SLC24A2: variants seen among roughly 807,000 people sequenced by gnomAD.
SLC24A2 encodes the protein solute carrier family 24 member 2.
SLC24A2 carries 36 observed loss-of-function variants against 62.0 expected under a neutral mutation model. That is an observed-to-expected ratio of 0.58 (90% CI 0.44 to 0.77). The LOEUF (loss-of-function observed/expected upper bound fraction) is 0.77, where lower values mean the gene tolerates loss of function less well. SLC24A2 is among the 30% of genes least tolerant of loss of function. The probability of loss-of-function intolerance (pLI) is 0.00; values close to 1 mark genes in which losing one functional copy is unlikely to be tolerated. For missense variants in SLC24A2, 846 were observed against 817.9 expected (o/e 1.03, Z -0.42); for synonymous variants, 358 against 294.0 (o/e 1.22, Z -2.23).
chr9:20,052,951 G>A, the SLC24A2 span, among the ~76,000 whole-genome samples: 6 of 152,124 alleles, frequency 3.9e-5, no homozygotes, highest in Non-Finnish European at 8.8e-5. Flanking sequence ...TGAGTTTTCT[G>A]TAAATGAATC....
the SLC24A2 span, among the ~76,000 whole-genome samples, chr9:20,059,349 A>G: frequency 6.6e-6 from 1 of 152,208 alleles, no homozygotes; most frequent in Non-Finnish European, 1.5e-5. Flanking sequence ...CAGAATGTAC[A>G]TTCTTCTCAT....
chr9:20,100,091 C>A, the SLC24A2 span, among the ~76,000 whole-genome samples: 4 of 152,028 alleles, frequency 2.6e-5, no homozygotes, highest in Non-Finnish European at 5.9e-5. Flanking sequence ...CAATTGACAG[C>A]CTCGTCCTCC....
the SLC24A2 span, among the ~76,000 whole-genome samples, chr9:20,283,342 A>G: frequency 1.1e-4 from 16 of 152,168 alleles, no homozygotes; most frequent in Non-Finnish European, 1.3e-4. Flanking sequence ...CAGACTACCT[A>G]AAGTGATCCC....
intron 2 of SLC24A2, among the ~76,000 whole-genome samples, chr9:19,722,355 T>C (rs889732365): frequency 1.3e-5 from 2 of 152,122 alleles, no homozygotes; most frequent in Admixed American, 6.6e-5. Flanking sequence ...CTGAGAATGC[T>C]AGGTTCAACA....
the SLC24A2 span, among the ~76,000 whole-genome samples, chr9:20,297,003 G>T: frequency 6.6e-6 from 1 of 152,064 alleles, no homozygotes; most frequent in Non-Finnish European, 1.5e-5. Flanking sequence ...TTATTTTAAA[G>T]AATTTTTATT....
intron 2 of SLC24A2, among the ~76,000 whole-genome samples, chr9:19,783,630 C>T (rs868458002): frequency 1.1e-4 from 16 of 152,070 alleles, no homozygotes; most frequent in Non-Finnish European, 1.3e-4. Context: ...GAAAACCTCC[C>T]TAAGTTTCTG....
chr9:19,543,295 T>C (rs562975856), intron 8 of SLC24A2, among the ~76,000 whole-genome samples: 3 of 152,342 alleles, frequency 2.0e-5, no homozygotes, highest in African/African-American at 7.2e-5. Context: ...CATTTTTTAT[T>C]GCATCCATTT....
At chr9:19,619,489 G>T in intron 4 of SLC24A2, 95 bp downstream of exon 4, 1 of 968,834 alleles carries the variant, frequency 1.0e-6, no homozygotes, top group Non-Finnish European at 1.7e-6. Flanking sequence ...GCTGGCAGGC[G>T]TGCATGACGA....
At chr9:20,131,993 A>G in the SLC24A2 span, among the ~76,000 whole-genome samples, 24 of 152,132 alleles carry the variant, frequency 1.6e-4, no homozygotes, top group African/African-American at 5.8e-4. Flanking sequence ...AACTGAACAC[A>G]TTTTAGCTTT....
chr9:19,817,711 G>A, the SLC24A2 span, among the ~76,000 whole-genome samples: 121,437 of 151,794 alleles, frequency 0.8, 50,207 homozygotes, highest in Non-Finnish European at 0.92. Flanking sequence ...CTAAATGTTA[G>A]CCTTATAATG....
the SLC24A2 span, among the ~76,000 whole-genome samples, chr9:20,215,546 C>T: frequency 6.6e-6 from 1 of 152,182 alleles, no homozygotes; most frequent in Non-Finnish European, 1.5e-5. Context: ...GGTATGTGCT[C>T]AAGTAAAGCC....
chr9:19,817,751 A>G, the SLC24A2 span, among the ~76,000 whole-genome samples: 3 of 152,014 alleles, frequency 2.0e-5, no homozygotes, highest in Non-Finnish European at 4.4e-5. Flanking sequence ...TTTTTAAGAG[A>G]CAAATTCTTG....
the SLC24A2 span, among the ~76,000 whole-genome samples, chr9:20,302,639 G>T: frequency 6.6e-6 from 1 of 152,114 alleles, no homozygotes; most frequent in Admixed American, 6.6e-5. Context: ...TCCTTTATCA[G>T]ACTGCCTTTT....
chr9:20,035,030 T>A, the SLC24A2 span, among the ~76,000 whole-genome samples: 6 of 151,756 alleles, frequency 4.0e-5, no homozygotes, highest in Non-Finnish European at 5.9e-5. Context: ...AAATGAAAAA[T>A]ATATATATAC....
intron 2 of SLC24A2, among the ~76,000 whole-genome samples, chr9:19,737,663 T>G (rs151157611): frequency 0.016 from 2,405 of 152,142 alleles, 34 homozygotes; most frequent in Middle Eastern, 0.034. Context: ...AAAAAATTAT[T>G]TTTTCAGGTT....
chr9:20,033,882 G>C, the SLC24A2 span, among the ~76,000 whole-genome samples: 1 of 152,156 alleles, frequency 6.6e-6, no homozygotes, highest in Non-Finnish European at 1.5e-5. Flanking sequence ...CTAGGGAATA[G>C]CCACCCTTTT....
the SLC24A2 span, among the ~76,000 whole-genome samples, chr9:20,013,337 T>G: frequency 6.6e-6 from 1 of 152,134 alleles, no homozygotes; most frequent in Non-Finnish European, 1.5e-5. Context: ...TAAATAGTGT[T>G]GGAAAAACCA....
At chr9:19,936,511 C>G in the SLC24A2 span, among the ~76,000 whole-genome samples, 1 of 152,136 alleles carries the variant, frequency 6.6e-6, no homozygotes, top group South Asian at 2.1e-4. Context: ...CGTGCTCAAG[C>G]GATCCACCTG....
the SLC24A2 span, among the ~76,000 whole-genome samples, chr9:20,197,427 CTTTTT>C: frequency 1.9e-4 from 18 of 93,152 alleles, no homozygotes; most frequent in African/African-American, 6.9e-4. Flanking sequence ...CTCTCTCTCT[CTTTTT>C]TTTTTTTTTT....
Sources: allele counts gnomAD v4.1 joint callset (sites outside exome capture counted in the v4.1 genomes callset), GRCh38; gene constraint gnomAD v4.1.1; transcripts MANE v1.5; gene names NCBI Gene and HGNC (gene_info 2026-07-23, HGNC 2026-07-21).